ARID3B: variants seen among roughly 807,000 people sequenced by gnomAD.
ARID3B encodes the protein AT-rich interaction domain 3B, also known as AT-rich interactive domain-containing protein 3B.
In ARID3B, 10 loss-of-function variants were observed where a neutral mutation model predicts 51.9. The observed-to-expected ratio is 0.19, with a 90% CI of 0.12 to 0.33. The LOEUF (loss-of-function observed/expected upper bound fraction) is 0.33, where lower values mean the gene tolerates loss of function less well. ARID3B is among the 10% of genes least tolerant of loss of function. ARID3B has a pLI of 1.00. For missense variants in ARID3B, 483 were observed against 716.3 expected (o/e 0.67, Z 3.72); for synonymous variants, 205 against 279.5 (o/e 0.73, Z 2.66).
At chr15:74,571,562 AC>A (rs2061718974) in intron 2 of ARID3B, among the ~76,000 whole-genome samples, 1 of 151,922 alleles carries the variant, frequency 6.6e-6, no homozygotes, top group Non-Finnish European at 1.5e-5. Context: ...AGACTTTTTG[AC>A]CCCCCTGTAA....
intron 2 of ARID3B, among the ~76,000 whole-genome samples, chr15:74,566,347 C>G (rs1026864807): frequency 1.8e-4 from 27 of 152,084 alleles, no homozygotes; most frequent in African/African-American, 6.5e-4. Flanking sequence ...CACCTGTAAT[C>G]CCATCACTTG....
rs141802888 is a variant in ARID3B at position 74,598,108 on chromosome 15, A to G, written c.*2334A>G. The stretch of plus-strand genomic sequence containing the variant: ...CATGTTCTCGAATGTTTATATTTCA[A>G]TAAACCTCTACCTCTTCACACAAGC... On this transcript the variant is annotated 3_prime_UTR_variant, in exon 9 of 9. Coordinates refer to ENST00000346246, the MANE Select transcript of ARID3B (RefSeq NM_006465.4). 19 of 488,632 alleles carry G rather than the reference A, an allele frequency of 3.9e-5. No individual in the cohort carries two copies. The highest frequency in any genetic ancestry group is 1.2e-4 in the Admixed American group (5 of 42,896). The allele number at this position is 488,632 out of a possible 1,614,324, so 30.3% of individuals were successfully genotyped here. A position where few individuals can be genotyped will look rare whatever the true frequency, so the allele number is the denominator to read the frequency against.
chr15:74,564,599 T>C (rs1330357014), intron 2 of ARID3B, among the ~76,000 whole-genome samples: 2 of 152,118 alleles, frequency 1.3e-5, no homozygotes, highest in Non-Finnish European at 2.9e-5. Flanking sequence ...TCTAACGATT[T>C]TCTTTTTCTT....
chr15:74,572,966 G>C, intron 3 of ARID3B, 33 bp downstream of exon 3: 1 of 1,611,868 alleles, frequency 6.2e-7, no homozygotes, highest in Middle Eastern at 1.6e-4. Context: ...TACAGATAGG[G>C]GCAGTTCTGC....
chr15:74,582,675 C>G (rs375302379), intron 4 of ARID3B, among the ~76,000 whole-genome samples: 1 of 152,098 alleles, frequency 6.6e-6, no homozygotes, highest in Non-Finnish European at 1.5e-5. Flanking sequence ...TGGCAGTGTT[C>G]GCTAAAGCTA....
At chr15:74,594,365 G>A (rs996182422) in intron 8 of ARID3B, among the ~76,000 whole-genome samples, 1 of 152,072 alleles carries the variant, frequency 6.6e-6, no homozygotes, top group East Asian at 1.9e-4. Flanking sequence ...GGAGAATGGC[G>A]TGAACCTGGG....
At position 74,544,113 on chromosome 15, in the gene ARID3B, A is replaced by G. The variant is rs1254037201; in HGVS notation, c.177A>G (p.Arg59=). ...QPTLLSATAG[R]PSGSTPLGPL... The stretch of plus-strand genomic sequence containing the variant: ...CTCTCCTTTCCGCCACAGCTGGGAG[A>G]CCTTCTGGCAGCACTCCCTTAGGTC... Residue 59 remains arginine, a synonymous_variant, in exon 2 of 9, where the codon AGA becomes AGG. Coordinates refer to ENST00000346246, the MANE Select transcript of ARID3B (RefSeq NM_006465.4). 6.2e-7 allele frequency: 1 copy of G among 1,613,878 alleles called. No individual in the cohort carries two copies. The highest frequency in any genetic ancestry group is 2.2e-5 in the East Asian group (1 of 44,888).
Position 74,597,487 on chromosome 15 carries a change from ACACT to A in ARID3B, c.*1717_*1720del. On this transcript the variant is annotated 3_prime_UTR_variant, in exon 9 of 9. Transcript: ENST00000346246. ...TGCGTCTTCTCTCAGCCCTCCACAC[ACACT>A]CACCCCCACTCCCACACACATACAC... 1.9e-6 allele frequency: 1 copy of A among 532,132 alleles called. No individual in the cohort carries two copies. The allele number at this position is 532,132 out of a possible 1,614,324, so 33.0% of individuals were successfully genotyped here.
At chr15:74,561,380 G>T (rs1596254753) in intron 2 of ARID3B, among the ~76,000 whole-genome samples, 1 of 152,150 alleles carries the variant, frequency 6.6e-6, no homozygotes. Context: ...CACATGGATA[G>T]CACCTTCATG....
intron 2 of ARID3B, among the ~76,000 whole-genome samples, chr15:74,550,601 G>A (rs772936048): frequency 2.0e-5 from 3 of 151,760 alleles, no homozygotes; most frequent in Admixed American, 6.6e-5. Flanking sequence ...AAGCTACTCC[G>A]GAGGCTGAGG....
chr15:74,590,855 G>A (rs2061800158), intron 5 of ARID3B, among the ~76,000 whole-genome samples: 1 of 152,182 alleles, frequency 6.6e-6, no homozygotes, highest in African/African-American at 2.4e-5. Context: ...TAAAACATGG[G>A]CCTAATTTTT....
chr15:74,555,168 A>G (rs974450665), intron 2 of ARID3B, among the ~76,000 whole-genome samples: 10 of 152,176 alleles, frequency 6.6e-5, no homozygotes, highest in African/African-American at 2.2e-4. Flanking sequence ...AAAAACAATA[A>G]CAAGTATCTG....
At chr15:74,548,971 G>A (rs1227190501) in intron 2 of ARID3B, among the ~76,000 whole-genome samples, 1 of 152,148 alleles carries the variant, frequency 6.6e-6, no homozygotes, top group Admixed American at 6.5e-5. Context: ...GCAATTAGTG[G>A]AGACTACTGT....
chr15:74,572,901 C>G lies in ARID3B; in HGVS notation c.592C>G (p.Arg198Gly). Reference protein sequence around the residue: ...LAWSDDADGGRGREISRDFAK... With the variant: ...LAWSDDADGGGGREISRDFAK... ...CTGGAGTGATGATGCAGATGGAGGC[C>G]GGGGAAGAGAGATCTCTCGAGATTT... The change falls in exon 3 of 9, where the codon CGG (arginine) becomes GGG (glycine). Residue 198 changes from arginine (R) to glycine (G), a missense_variant. By Grantham distance (125) the Arg-to-Gly change is moderately radical. Transcript: ENST00000346246. The G allele has an allele frequency of 6.2e-7, 1 of 1,614,042 alleles. No homozygotes were observed. The highest frequency in any genetic ancestry group is 8.5e-7 in the Non-Finnish European group (1 of 1,180,016).
chr15:74,543,550 T>C (rs1001060557), intron 1 of ARID3B, among the ~76,000 whole-genome samples: 2 of 152,204 alleles, frequency 1.3e-5, no homozygotes, highest in Non-Finnish European at 2.9e-5. Flanking sequence ...TGTTTGATAA[T>C]GTAGAGGAAG....
At chr15:74,557,744 G>A (rs894082789) in intron 2 of ARID3B, among the ~76,000 whole-genome samples, 1 of 149,804 alleles carries the variant, frequency 6.7e-6, no homozygotes, top group Admixed American at 6.6e-5. Flanking sequence ...TTTCTCTCTT[G>A]TAGCTTTTAA....
At chr15:74,561,149 A>T (rs1482920862) in intron 2 of ARID3B, among the ~76,000 whole-genome samples, 2 of 152,170 alleles carry the variant, frequency 1.3e-5, no homozygotes, top group African/African-American at 4.8e-5. Flanking sequence ...ATTTTGATAT[A>T]GCTAAATTTA....
At chr15:74,565,761 A>G (rs1239258968) in intron 2 of ARID3B, among the ~76,000 whole-genome samples, 2 of 151,814 alleles carry the variant, frequency 1.3e-5, no homozygotes. Flanking sequence ...TCCCAGTAAA[A>G]AGAAAAGGCC....
chr15:74,593,050 G>C (rs755068577), intron 7 of ARID3B, 88 bp from the exon 8 acceptor site: 2 of 1,162,976 alleles, frequency 1.7e-6, no homozygotes, highest in Non-Finnish European at 2.5e-6. Flanking sequence ...GTGAGGCTTT[G>C]ACCAGGGGTG....
Sources: allele counts gnomAD v4.1 joint callset (sites outside exome capture counted in the v4.1 genomes callset), GRCh38; gene constraint gnomAD v4.1.1; transcripts MANE v1.5; gene names NCBI Gene and HGNC (gene_info 2026-07-23, HGNC 2026-07-21).